Variants in AK7 observed in about 807,000 individuals in gnomAD.
AK7 encodes the protein ATP-AMP transphosphorylase 7.
AK7 carries 78 observed loss-of-function variants against 96.6 expected under a neutral mutation model. The ratio of observed to expected loss-of-function variants is 0.81; its 90% confidence interval spans 0.67 to 0.97. The LOEUF is 0.97. Ranked by LOEUF, AK7 falls within the 50% of genes least tolerant of loss-of-function variation. AK7 has a pLI of 0.00. For synonymous variants in AK7, 302 were observed against 317.2 expected, an observed-to-expected ratio of 0.95 and a Z score of 0.51; for missense variants, 855 against 887.9, an observed-to-expected ratio of 0.96 and a Z score of 0.47.
At chr14:96,456,606 C>A in intron 11 of AK7, 131 bp downstream of exon 11, 2 of 1,053,990 alleles carry the variant, frequency 1.9e-6, no homozygotes, top group South Asian at 1.5e-5. Context: ...TGGCAACATC[C>A]AAGGTGTCCT....
intron 12 of AK7, among the ~76,000 whole-genome samples, chr14:96,467,692 T>C (rs757762686): frequency 6.6e-6 from 1 of 152,170 alleles, no homozygotes; most frequent in Admixed American, 6.6e-5. Flanking sequence ...TTACCTGATT[T>C]AGACAAATTT....
intron 17 of AK7, chr14:96,487,918 ATTATTTATTTT>A (rs1895863379): frequency 3.3e-6 from 1 of 300,554 alleles, no homozygotes; most frequent in Non-Finnish European, 6.5e-6. Flanking sequence ...TTATTTATTT[ATTATTTATTTT>A]GATATAGAGT....
intron 12 of AK7, among the ~76,000 whole-genome samples, chr14:96,469,509 A>AG (rs11374440): frequency 0.87 from 132,523 of 152,072 alleles, 58,063 homozygotes; most frequent in African/African-American, 0.97. Flanking sequence ...TGGGTAACGG[A>AG]TGAGACTCTG....
At position 96,420,114 on chromosome 14, in the gene AK7, C is replaced by T. The variant is rs140053955; in HGVS notation, c.499-708C>T. ...CTCCAGACGTCAGGTAATCCGCCCA[C>T]CTTGGCCTCCCAAAGTGCTGGGATT... On this transcript the variant is annotated intron_variant, in intron 4 of 17. Coordinates refer to ENST00000267584, the MANE Select transcript of AK7 (RefSeq NM_152327.5). Among the ~76,000 whole-genome samples, 752 of 151,876 alleles carry T rather than the reference C, an allele frequency of 5.0e-3. 5 individuals are homozygous for T. Among genetic ancestry groups the T allele is most frequent in the Non-Finnish European group, 7.7e-3 (526 of 67,960 alleles).
At chr14:96,429,671 C>G (rs1215198443) in intron 5 of AK7, among the ~76,000 whole-genome samples, 1 of 152,132 alleles carries the variant, frequency 6.6e-6, no homozygotes, top group Non-Finnish European at 1.5e-5. Context: ...TTGAAGAAGT[C>G]CTTCACATCC....
intron 7 of AK7, among the ~76,000 whole-genome samples, chr14:96,445,862 A>G (rs910832504): frequency 3.3e-5 from 5 of 152,134 alleles, no homozygotes; most frequent in African/African-American, 1.2e-4. Context: ...TTTTGTTCCA[A>G]TCCCTGCTCT....
chr14:96,481,234 T>C (rs944089625), intron 15 of AK7, among the ~76,000 whole-genome samples: 9 of 152,160 alleles, frequency 5.9e-5, no homozygotes, highest in African/African-American at 2.2e-4. Flanking sequence ...GAGTGGAATA[T>C]TGCTAGGGGG....
intron 10 of AK7, among the ~76,000 whole-genome samples, chr14:96,455,865 T>G (rs1595437370): frequency 6.6e-6 from 1 of 151,856 alleles, no homozygotes; most frequent in Non-Finnish European, 1.5e-5. Flanking sequence ...CTGGTGGTGG[T>G]GGTGGGGGTA....
intron 6 of AK7, among the ~76,000 whole-genome samples, chr14:96,438,292 G>A (rs1030209555): frequency 2.0e-5 from 3 of 152,194 alleles, no homozygotes; most frequent in Admixed American, 1.3e-4. Context: ...TAAATGTTGA[G>A]TATTTCAGAT....
chr14:96,415,509 A>AG (rs1411562442), intron 4 of AK7, among the ~76,000 whole-genome samples: 1 of 151,842 alleles, frequency 6.6e-6, no homozygotes, highest in East Asian at 1.9e-4. Context: ...CTTGGAAAAA[A>AG]GAAAAACAAA....
chr14:96,409,749 ACAGT>A (rs1368721946), intron 4 of AK7, among the ~76,000 whole-genome samples: 1 of 152,274 alleles, frequency 6.6e-6, no homozygotes, highest in Non-Finnish European at 1.5e-5. Flanking sequence ...AACATGAGCC[ACAGT>A]CATTCTTCCA....
In AK7 at chr14:96,414,757, C is replaced by CTTTTTT. The variant is rs10694621; in HGVS notation, c.498+5834_498+5839dup. Among the ~76,000 whole-genome samples, 14 of 100,122 alleles carry CTTTTTT rather than the reference C, an allele frequency of 1.4e-4. 1 individual carries two copies. The highest frequency in any genetic ancestry group is 7.3e-4 in the South Asian group (2 of 2,730). The allele number at this position is 100,122 out of a possible 152,430, so 65.7% of individuals were successfully genotyped here. On this transcript the variant is annotated intron_variant, in intron 4 of 17. Transcript: ENST00000267584. ...AGGTTGAAGAAGATAAGGATTCCTT[C>CTTTTTT]TTTTTTTTTTTTTTTTTTTTTTTAG...
intron 5 of AK7, among the ~76,000 whole-genome samples, chr14:96,427,470 C>T (rs1337184248): frequency 6.6e-6 from 1 of 152,210 alleles, no homozygotes; most frequent in East Asian, 1.9e-4. Flanking sequence ...CTCACTATTA[C>T]AAGAACGGCA....
intron 4 of AK7, among the ~76,000 whole-genome samples, chr14:96,411,129 CA>C (rs1891005604): frequency 1.3e-5 from 2 of 152,138 alleles, no homozygotes; most frequent in South Asian, 4.1e-4. Context: ...CATCACTTTC[CA>C]AAATTCTCTA....
At chr14:96,428,370 AC>A (rs1249682466) in intron 5 of AK7, among the ~76,000 whole-genome samples, 1 of 152,142 alleles carries the variant, frequency 6.6e-6, no homozygotes, top group Non-Finnish European at 1.5e-5. Context: ...TCATTGATGG[AC>A]ATTTGAGTTG....
intron 6 of AK7, among the ~76,000 whole-genome samples, chr14:96,439,480 C>T (rs1452706372): frequency 2.1e-5 from 3 of 142,338 alleles, no homozygotes; most frequent in African/African-American, 6.2e-5. Flanking sequence ...CTGGCTAACA[C>T]GGAGAAACCC....
At position 96,414,261 on chromosome 14, in the gene AK7, A is replaced by C. The variant is rs528213334; in HGVS notation, c.498+5320A>C. Among the ~76,000 whole-genome samples, 4 of 152,326 alleles carry C rather than the reference A, an allele frequency of 2.6e-5. No homozygotes were observed. In the East Asian group the frequency reaches 7.7e-4, roughly 29 times the overall value. On this transcript the variant is annotated intron_variant, in intron 4 of 17. Transcript: ENST00000267584. ...AGGCCTGTGGAGGGGAGAGAAACAC[A>C]AAAGATTATGCATGGGAAGCTTTAT...
chr14:96,414,020 A>C (rs1483959843), intron 4 of AK7, among the ~76,000 whole-genome samples: 1 of 152,168 alleles, frequency 6.6e-6, no homozygotes, highest in African/African-American at 2.4e-5. Context: ...ATGCAATCCA[A>C]TTTTGGGATG....
At chr14:96,455,501 A>G (rs545387571) in intron 10 of AK7, among the ~76,000 whole-genome samples, 1 of 152,256 alleles carries the variant, frequency 6.6e-6, no homozygotes, top group Non-Finnish European at 1.5e-5. Flanking sequence ...AAACAAAACA[A>G]AACAAAACAA....
Sources: gnomAD v4.1 joint callset for allele counts (sites outside exome capture counted in the v4.1 genomes callset) on GRCh38, gnomAD v4.1.1 for gene constraint, MANE v1.5 for transcripts, NCBI Gene and HGNC (gene_info 2026-07-23, HGNC 2026-07-21) for gene names.